Variants in JAZF1 observed in about 807,000 individuals in gnomAD.
JAZF1 encodes juxtaposed with another zinc finger protein 1.
JAZF1 carries 8 observed loss-of-function variants against 26.4 expected under a neutral mutation model. The ratio of observed to expected loss-of-function variants is 0.30; its 90% CI spans 0.18 to 0.55. JAZF1 has a LOEUF of 0.55. JAZF1 is among the 20% of genes least tolerant of loss of function. JAZF1 has a pLI of 0.94. For missense variants in JAZF1, 199 were observed against 322.0 expected (o/e 0.62, Z 2.92); for synonymous variants, 126 against 122.3 (o/e 1.03, Z -0.20).
chr7:27,986,909 G>A (rs1021577676), intron 2 of JAZF1, among the ~76,000 whole-genome samples: 4 of 152,124 alleles, frequency 2.6e-5, no homozygotes. Flanking sequence ...TGCCCGCCTG[G>A]GCCTCCCGAG....
intron 1 of JAZF1, among the ~76,000 whole-genome samples, chr7:28,082,595 C>T (rs1784154157): frequency 6.6e-6 from 1 of 152,156 alleles, no homozygotes; most frequent in African/African-American, 2.4e-5. Context: ...CCCCACGCTG[C>T]AGTATGTTTG....
rs144343741 is a variant in JAZF1 at position 27,895,461 on chromosome 7, C to T, written c.189-45G>A. On this transcript the variant is annotated intron_variant, in intron 2 of 4. Coordinates refer to ENST00000283928, the MANE Select transcript of JAZF1 (RefSeq NM_175061.4). ...TAAGGAACCTGGGCCATGTATAGAG[C>T]ATGAGGACTGATGACATTTATTAGA... is the stretch of plus-strand genomic sequence containing the variant. The T allele has an allele frequency of 4.3e-5, 60 of 1,386,454 alleles. No homozygotes were observed. The East Asian group carries it at 1.4e-3, about 33-fold the overall frequency. The allele number at this position is 1,386,454 out of a possible 1,614,324, so 85.9% of individuals were successfully genotyped here.
chr7:27,988,558 C>G (rs1472970677), intron 2 of JAZF1, among the ~76,000 whole-genome samples: 2 of 151,944 alleles, frequency 1.3e-5, no homozygotes, highest in Non-Finnish European at 2.9e-5. Context: ...TTAAATGTAT[C>G]ACCAAATTGC....
chr7:27,895,067 A>G (rs1019712021), intron 3 of JAZF1, among the ~76,000 whole-genome samples, 153 bp downstream of exon 3: 1 of 152,206 alleles, frequency 6.6e-6, no homozygotes, highest in Non-Finnish European at 1.5e-5. Context: ...TAAATTAAAG[A>G]ATTTATCAAT....
intron 2 of JAZF1, among the ~76,000 whole-genome samples, chr7:27,899,073 C>G (rs1784122474): frequency 6.6e-6 from 1 of 152,240 alleles, no homozygotes; most frequent in African/African-American, 2.4e-5. Flanking sequence ...TTCCTCCTCC[C>G]TTCATTAACC....
At chr7:28,180,351 C>T (rs1415197265) in intron 1 of JAZF1, 112 bp downstream of exon 1, 22 of 659,100 alleles carry the variant, frequency 3.3e-5, no homozygotes, top group Non-Finnish European at 4.8e-5. Context: ...CACGCGCCCT[C>T]CCCGCCCTGC....
intron 1 of JAZF1, among the ~76,000 whole-genome samples, chr7:28,142,145 T>G (rs558649355): frequency 6.6e-6 from 1 of 152,316 alleles, no homozygotes; most frequent in South Asian, 2.1e-4. Flanking sequence ...TTTTCCCTCT[T>G]CTTTGTAAAC....
At chr7:27,966,243 T>G (rs1785273351) in intron 2 of JAZF1, among the ~76,000 whole-genome samples, 3 of 152,256 alleles carry the variant, frequency 2.0e-5, no homozygotes, top group Non-Finnish European at 2.9e-5. Context: ...GGAGGTGCCT[T>G]GCACAGATGC....
chr7:28,144,769 A>T (rs1010970779), intron 1 of JAZF1, among the ~76,000 whole-genome samples: 5 of 152,350 alleles, frequency 3.3e-5, no homozygotes, highest in Non-Finnish European at 7.3e-5. Flanking sequence ...TTAAATTTTT[A>T]AAAAAGGAAA....
At chr7:28,153,625 T>C (rs1396507354) in intron 1 of JAZF1, among the ~76,000 whole-genome samples, 2 of 152,208 alleles carry the variant, frequency 1.3e-5, no homozygotes, top group Non-Finnish European at 2.9e-5. Flanking sequence ...TCCCTCTTTC[T>C]TGACAGCCCT....
chr7:28,026,635 C>T (rs756812789), intron 1 of JAZF1, among the ~76,000 whole-genome samples: 2 of 152,166 alleles, frequency 1.3e-5, no homozygotes, highest in Non-Finnish European at 2.9e-5. Flanking sequence ...GTGCAGGTAT[C>T]ATTTGTGTAA....
At chr7:27,855,750 C>T (rs1783237978) in intron 3 of JAZF1, among the ~76,000 whole-genome samples, 1 of 152,082 alleles carries the variant, frequency 6.6e-6, no homozygotes, top group Admixed American at 6.5e-5. Context: ...AAGCCCAGGA[C>T]CAGATGGATT....
chr7:27,970,843 A>C (rs1333985762), intron 2 of JAZF1, among the ~76,000 whole-genome samples: 1 of 152,220 alleles, frequency 6.6e-6, no homozygotes, highest in African/African-American at 2.4e-5. Flanking sequence ...GTTTACTTTA[A>C]CTAGTTTTAG....
chr7:27,881,777 C>T (rs773339955), intron 3 of JAZF1, among the ~76,000 whole-genome samples: 4 of 152,234 alleles, frequency 2.6e-5, no homozygotes, highest in East Asian at 3.9e-4. Flanking sequence ...AAATGCATAT[C>T]GAGGGCCTTT....
intron 1 of JAZF1, among the ~76,000 whole-genome samples, chr7:28,027,092 G>A (rs780595300): frequency 5.3e-5 from 8 of 152,220 alleles, no homozygotes; most frequent in Non-Finnish European, 1.0e-4. Context: ...TAACAGCTGA[G>A]CTGGCTTGTC....
chr7:27,932,032 G>A lies in JAZF1; in HGVS notation c.189-36616C>T, dbSNP rs112934210. Reference sequence around the variant, plus strand: ...TGGGCTCAGTCCTGAGCAGGAACTCGTTTGATAAACTAATAGCGTGGGCTA... The same window carrying A: ...TGGGCTCAGTCCTGAGCAGGAACTCATTTGATAAACTAATAGCGTGGGCTA... On this transcript the variant is annotated intron_variant, in intron 2 of 4. Coordinates refer to ENST00000283928, the MANE Select transcript of JAZF1 (RefSeq NM_175061.4). 6.3e-3 allele frequency among the ~76,000 whole-genome samples: 958 copies of A among 152,328 alleles called. 11 individuals carry two copies. Among genetic ancestry groups the A allele is most frequent in the African/African-American group, 0.022 (918 of 41,576 alleles).
At chr7:27,923,869 C>G (rs947445277) in intron 2 of JAZF1, among the ~76,000 whole-genome samples, 4 of 152,162 alleles carry the variant, frequency 2.6e-5, no homozygotes, top group Non-Finnish European at 5.9e-5. Flanking sequence ...AAAATGCAAC[C>G]CATCTGGCAG....
chr7:27,979,712 A>C (rs1259620426), intron 2 of JAZF1, among the ~76,000 whole-genome samples: 1 of 152,056 alleles, frequency 6.6e-6, no homozygotes, highest in Non-Finnish European at 1.5e-5. Flanking sequence ...TTTGCCCTGC[A>C]GCTCCCCGAA....
At chr7:27,975,660 T>C (rs919877106) in intron 2 of JAZF1, among the ~76,000 whole-genome samples, 3 of 152,094 alleles carry the variant, frequency 2.0e-5, no homozygotes, top group Admixed American at 6.5e-5. Context: ...TCCAAGTCTA[T>C]GTCTAGGGTG....
Sources: allele counts gnomAD v4.1 joint callset (sites outside exome capture counted in the v4.1 genomes callset), GRCh38; gene constraint gnomAD v4.1.1; transcripts MANE v1.5; gene names NCBI Gene and HGNC (gene_info 2026-07-23, HGNC 2026-07-21).